The following ASIC2 variants were observed in gnomAD, a reference collection of about 807,000 sequenced individuals.
ASIC2 encodes acid sensing ion channel subunit 2.
Under a neutral mutation model 57.3 loss-of-function variants are expected in ASIC2, and 25 were observed. The observed-to-expected ratio is 0.44, with a 90% CI of 0.32 to 0.61. The LOEUF (loss-of-function observed/expected upper bound fraction) is 0.61, where lower values mean the gene tolerates loss of function less well. ASIC2 is among the 20% of genes least tolerant of loss of function. The pLI is 0.06. For synonymous variants in ASIC2, 319 were observed against 307.5 expected (o/e 1.04, Z -0.39); for missense variants, 641 against 738.1 (o/e 0.87, Z 1.52).
intron 1 of ASIC2, among the ~76,000 whole-genome samples, chr17:33,998,574 T>C (rs1906236684): frequency 6.6e-6 from 1 of 152,170 alleles, no homozygotes; most frequent in Admixed American, 6.5e-5. Context: ...GTGTTTTCAT[T>C]TTCATTTTTC....
intron 2 of ASIC2, among the ~76,000 whole-genome samples, chr17:33,108,365 T>C (rs1436353879): frequency 1.3e-5 from 2 of 152,102 alleles, no homozygotes; most frequent in East Asian, 3.9e-4. Context: ...CCTCTGGGGA[T>C]TGAGAGGTGG....
intron 1 of ASIC2, among the ~76,000 whole-genome samples, chr17:33,211,351 G>A (rs968357369): frequency 2.6e-5 from 4 of 151,960 alleles, no homozygotes; most frequent in African/African-American, 9.7e-5. Flanking sequence ...AGCCATGGAG[G>A]GGGCATTTAC....
chr17:33,954,610 A>G (rs1904677079), intron 1 of ASIC2, among the ~76,000 whole-genome samples: 1 of 152,170 alleles, frequency 6.6e-6, no homozygotes, highest in Non-Finnish European at 1.5e-5. Context: ...AAAATTAGAC[A>G]TGGGAAAGAG....
At chr17:33,267,143 A>T (rs1396617004) in intron 1 of ASIC2, among the ~76,000 whole-genome samples, 3 of 152,188 alleles carry the variant, frequency 2.0e-5, no homozygotes, top group Non-Finnish European at 4.4e-5. Flanking sequence ...ACATCCTGGC[A>T]GGCCTTTGTT....
At chr17:33,694,361 C>T (rs1011788194) in intron 1 of ASIC2, among the ~76,000 whole-genome samples, 2 of 152,226 alleles carry the variant, frequency 1.3e-5, no homozygotes, top group African/African-American at 4.8e-5. Flanking sequence ...CCGTCATGAT[C>T]TAGCCTAGCA....
chr17:33,866,217 AC>A (rs1914233775), intron 1 of ASIC2, among the ~76,000 whole-genome samples: 1 of 152,194 alleles, frequency 6.6e-6, no homozygotes, highest in Non-Finnish European at 1.5e-5. Flanking sequence ...TCATTTTGGT[AC>A]ACTTACAAGA....
At chr17:33,926,623 T>C (rs1291929681) in intron 1 of ASIC2, among the ~76,000 whole-genome samples, 1 of 152,230 alleles carries the variant, frequency 6.6e-6, no homozygotes, top group Admixed American at 6.5e-5. Context: ...CTCTGAATTT[T>C]GATGCTACCT....
At position 33,934,977 on chromosome 17, in the gene ASIC2, C is replaced by A. The variant is rs368025155; in HGVS notation, c.555+221001G>T. Among the ~76,000 whole-genome samples, 8 of 152,324 alleles carry A rather than the reference C, an allele frequency of 5.3e-5. No homozygotes were observed. In the East Asian group the frequency reaches 9.7e-4, roughly 18 times the overall value. Reference sequence around the variant, plus strand: ...CTCATACATACTGACATGCAAATGACCATGGATCCCTATTTCCAGCAGGCA... The same window carrying A: ...CTCATACATACTGACATGCAAATGAACATGGATCCCTATTTCCAGCAGGCA... On this transcript the variant is annotated intron_variant, in intron 1 of 9. Transcript: ENST00000359872.
chr17:33,699,386 C>T (rs746480681), intron 1 of ASIC2, among the ~76,000 whole-genome samples: 2 of 152,136 alleles, frequency 1.3e-5, no homozygotes, highest in Non-Finnish European at 2.9e-5. Context: ...CTAACTGTCA[C>T]GGGATGCCAG....
rs764345769 is a variant in ASIC2 at position 33,013,986 on chromosome 17, G to C, written c.1671C>G (p.Thr557=). 1.9e-6 allele frequency: 3 copies of C among 1,598,470 alleles called. No individual in the cohort carries two copies. In the South Asian group the frequency reaches 3.4e-5, roughly 18 times the overall value. Residue 557 remains threonine, a synonymous_variant, in exon 10 of 10, where the codon ACC becomes ACG. Transcript: ENST00000225823. ...VNVPLQTTLG[T]LEEIAC ...GGTGTCAGCAGGCAATCTCCTCCAA[G>C]GTCCCCAGGGTCGTCTGCAGGGGCA...
chr17:33,200,263 T>C (rs915809840), intron 1 of ASIC2, among the ~76,000 whole-genome samples: 9 of 152,212 alleles, frequency 5.9e-5, no homozygotes, highest in Non-Finnish European at 1.3e-4. Flanking sequence ...TCACAGTGCC[T>C]GGCATCGAGT....
chr17:33,464,476 TTTTCTCTC>T (rs199795422), intron 1 of ASIC2, among the ~76,000 whole-genome samples: 1,032 of 71,764 alleles, frequency 0.014, 38 homozygotes, highest in East Asian at 0.04. Context: ...TCTTTCTTTC[TTTTCTCTC>T]TTTCTTTCTT....
At position 33,505,373 on chromosome 17, in the gene ASIC2, A is replaced by C. The variant is rs538284683; in HGVS notation, c.556-393306T>G. On this transcript the variant is annotated intron_variant, in intron 1 of 9. Transcript: ENST00000359872. Reference sequence around the variant, plus strand: ...CACCTCTCACACCCAATAGACCACCAAGACCTGCTGATGCTACCATACAAC... The same window carrying C: ...CACCTCTCACACCCAATAGACCACCCAGACCTGCTGATGCTACCATACAAC... Among the ~76,000 whole-genome samples, 18 of 152,096 alleles carry C rather than the reference A, an allele frequency of 1.2e-4. No homozygotes were observed. In the East Asian group the frequency reaches 3.3e-3, roughly 28 times the overall value.
intron 1 of ASIC2, among the ~76,000 whole-genome samples, chr17:33,398,977 C>T (rs536375276): frequency 6.6e-5 from 10 of 152,272 alleles, no homozygotes; most frequent in African/African-American, 2.4e-4. Context: ...TCACAGATAC[C>T]TTGGAAGTGA....
At chr17:33,319,240 A>C (rs1442090415) in intron 1 of ASIC2, among the ~76,000 whole-genome samples, 1 of 151,548 alleles carries the variant, frequency 6.6e-6, no homozygotes, top group East Asian at 2.0e-4. Context: ...AAAAAAATAA[A>C]CCCCCAAAAA....
chr17:33,886,725 A>G (rs555173996), intron 1 of ASIC2, among the ~76,000 whole-genome samples: 2 of 149,110 alleles, frequency 1.3e-5, no homozygotes, highest in South Asian at 4.3e-4. Flanking sequence ...ATTAGAATAC[A>G]TCAGTCTTTC....
At chr17:33,618,934 C>A (rs1905690532) in intron 1 of ASIC2, among the ~76,000 whole-genome samples, 1 of 152,134 alleles carries the variant, frequency 6.6e-6, no homozygotes. Context: ...TTTTGGAAAT[C>A]CCTAATCATT....
At chr17:33,476,181 A>G (rs1385240709) in intron 1 of ASIC2, among the ~76,000 whole-genome samples, 1 of 152,116 alleles carries the variant, frequency 6.6e-6, no homozygotes, top group Admixed American at 6.5e-5. Flanking sequence ...CGGAGGACCT[A>G]TGGTATATCA....
At chr17:33,942,557 G>A (rs1221912780) in intron 1 of ASIC2, among the ~76,000 whole-genome samples, 2 of 152,124 alleles carry the variant, frequency 1.3e-5, no homozygotes, top group Non-Finnish European at 1.5e-5. Flanking sequence ...ATGAGAGTGT[G>A]CGGGAGGCAG....
Sources: allele counts gnomAD v4.1 joint callset (sites outside exome capture counted in the v4.1 genomes callset), GRCh38; gene constraint gnomAD v4.1.1; transcripts MANE v1.5; gene names NCBI Gene and HGNC (gene_info 2026-07-23, HGNC 2026-07-21).